The following ITSN1 variants were observed in gnomAD, a reference collection of about 807,000 sequenced individuals.
ITSN1 encodes the protein intersectin-1.
A neutral mutation model predicts 239.8 loss-of-function variants in ITSN1; 58 were observed. The ratio of observed to expected loss-of-function variants is 0.24; its 90% confidence interval spans 0.20 to 0.30. The LOEUF (loss-of-function observed/expected upper bound fraction) is 0.30. Among genes scored for constraint, ITSN1 ranks in the 10% least tolerant of loss-of-function variants. ITSN1 has a pLI of 1.00. For synonymous variants in ITSN1, 780 were observed against 770.8 expected (o/e 1.01, Z -0.20); for missense variants, 1,558 against 2,103.3 (o/e 0.74, Z 5.07).
intron 1 of ITSN1, among the ~76,000 whole-genome samples, chr21:33,701,059 A>T (rs1002740998): frequency 6.6e-6 from 1 of 150,924 alleles, no homozygotes; most frequent in East Asian, 2.0e-4. Context: ...AGCTCATGCA[A>T]TGCCACCAAT....
chr21:33,864,111 C>T (rs888233362), intron 31 of ITSN1, among the ~76,000 whole-genome samples: 2 of 152,214 alleles, frequency 1.3e-5, no homozygotes, highest in Admixed American at 6.5e-5. Context: ...ATAAATATTG[C>T]AGAGCTTCCT....
intron 18 of ITSN1, among the ~76,000 whole-genome samples, chr21:33,798,713 GT>G (rs1220252874): frequency 3.3e-5 from 5 of 152,144 alleles, no homozygotes; most frequent in Non-Finnish European, 7.3e-5. Context: ...TTCTGTAAAG[GT>G]TTACTGGTCC....
intron 5 of ITSN1, among the ~76,000 whole-genome samples, chr21:33,746,239 C>G (rs1239000621): frequency 6.6e-6 from 1 of 152,194 alleles, no homozygotes; most frequent in African/African-American, 2.4e-5. Context: ...GGGGGAAAAT[C>G]AGAGCCAGAG....
chr21:33,792,187 TC>T (rs2071188912), intron 16 of ITSN1, among the ~76,000 whole-genome samples: 1 of 152,124 alleles, frequency 6.6e-6, no homozygotes, highest in African/African-American at 2.4e-5. Context: ...GTTTCTTGAT[TC>T]CCAGTTCTGT....
chr21:33,870,696 C>T (rs1175699014), intron 33 of ITSN1, among the ~76,000 whole-genome samples: 2 of 152,148 alleles, frequency 1.3e-5, no homozygotes, highest in African/African-American at 4.8e-5. Context: ...AAGACCAAGA[C>T]GGGTAGATCA....
chr21:33,645,494 A>G (rs943344432), intron 1 of ITSN1, among the ~76,000 whole-genome samples: 3 of 152,136 alleles, frequency 2.0e-5, no homozygotes, highest in African/African-American at 7.2e-5. Context: ...ATTTTTTTTA[A>G]TATTCTGGGC....
chr21:33,737,858 C>G (rs1287234086), intron 5 of ITSN1, among the ~76,000 whole-genome samples: 1 of 152,126 alleles, frequency 6.6e-6, no homozygotes, highest in Non-Finnish European at 1.5e-5. Context: ...ACAGGATGAG[C>G]CACTGCACCT....
At chr21:33,730,458 G>A (rs376522996) in intron 4 of ITSN1, among the ~76,000 whole-genome samples, 1 of 119,528 alleles carries the variant, frequency 8.4e-6, no homozygotes, top group East Asian at 2.9e-4. Context: ...CTGGAGTGCA[G>A]TGACGTGATC....
At chr21:33,733,847 G>A (rs1327663274) in intron 4 of ITSN1, among the ~76,000 whole-genome samples, 2 of 152,124 alleles carry the variant, frequency 1.3e-5, no homozygotes, top group African/African-American at 2.4e-5. Context: ...TGTTTCCTGC[G>A]TTATGATCCT....
In ITSN1 at chr21:33,765,967, C is replaced by G; in HGVS notation, c.881C>G (p.Pro294Arg). The G allele has an allele frequency of 2.5e-6, 4 of 1,614,116 alleles. No individual in the cohort carries two copies. The highest frequency in any genetic ancestry group is 3.4e-6 in the Non-Finnish European group (4 of 1,179,990). Residue 294 changes from proline to arginine, a missense_variant, in exon 10 of 40, where the codon CCA becomes CGA. By Grantham distance (103) the Pro-to-Arg change is moderately radical. Around this residue, in one of 2 missense-constraint regions of ITSN1, gnomAD observed 982 missense variants for 1,209.9 expected, o/e 0.81. Transcript: ENST00000381318. ...ATTGATGTAGCTATGTCTGGCCAAC[C>G]ACTGCCACCTGTCCTGCCTCCAGAA... ...HLIDVAMSGQ[P>R]LPPVLPPEYI...
chr21:33,690,007 G>A (rs1043921954), intron 1 of ITSN1, among the ~76,000 whole-genome samples: 2 of 151,398 alleles, frequency 1.3e-5, no homozygotes, highest in African/African-American at 4.9e-5. Flanking sequence ...AATAAGGCCG[G>A]GTGCAGTGGC....
chr21:33,731,745 A>C (rs901033123), intron 4 of ITSN1, among the ~76,000 whole-genome samples: 1 of 152,226 alleles, frequency 6.6e-6, no homozygotes, highest in Non-Finnish European at 1.5e-5. Context: ...TAGGCACCCG[A>C]TGAAAAATAC....
chr21:33,668,886 C>A (rs2090087546), intron 1 of ITSN1, among the ~76,000 whole-genome samples: 1 of 152,080 alleles, frequency 6.6e-6, no homozygotes, highest in Non-Finnish European at 1.5e-5. Flanking sequence ...TTGAAAACCT[C>A]TGACCTAAAA....
chr21:33,830,607 G>GT (rs1457485682), intron 27 of ITSN1, among the ~76,000 whole-genome samples: 1 of 152,106 alleles, frequency 6.6e-6, no homozygotes, highest in Non-Finnish European at 1.5e-5. Context: ...CTAAAGAGGC[G>GT]TGAGGACTGG....
chr21:33,699,886 C>G (rs747004486), intron 1 of ITSN1, among the ~76,000 whole-genome samples: 1 of 152,104 alleles, frequency 6.6e-6, no homozygotes, highest in Non-Finnish European at 1.5e-5. Flanking sequence ...CTCAGCCTCC[C>G]CAAGTAGCTG....
At chr21:33,774,609 C>T in intron 12 of ITSN1, 120 bp from the exon 13 acceptor site, 1 of 889,266 alleles carries the variant, frequency 1.1e-6, no homozygotes, top group African/African-American at 1.7e-5. Flanking sequence ...AATGTGATTT[C>T]TTGTAATGTT....
intron 29 of ITSN1, among the ~76,000 whole-genome samples, chr21:33,844,904 C>T (rs2074943722): frequency 6.6e-6 from 1 of 152,068 alleles, no homozygotes; most frequent in Admixed American, 6.5e-5. Flanking sequence ...AGCACATCTG[C>T]CCGTCCTGTC....
At chr21:33,803,592 G>A (rs746616703) in intron 20 of ITSN1, among the ~76,000 whole-genome samples, 1 of 152,172 alleles carries the variant, frequency 6.6e-6, no homozygotes, top group Non-Finnish European at 1.5e-5. Context: ...ATGTATTCAT[G>A]TGTTTATGTA....
intron 4 of ITSN1, among the ~76,000 whole-genome samples, chr21:33,731,295 T>G (rs1260669978): frequency 6.6e-6 from 1 of 152,180 alleles, no homozygotes; most frequent in Non-Finnish European, 1.5e-5. Flanking sequence ...GAGACCATAC[T>G]GGGCAGTGGT....
Sources: allele counts gnomAD v4.1 joint callset (sites outside exome capture counted in the v4.1 genomes callset), GRCh38; gene constraint gnomAD v4.1.1; regional missense constraint gnomAD v4.1.1; transcripts MANE v1.5; gene names NCBI Gene and HGNC (gene_info 2026-07-23, HGNC 2026-07-21).